The following ANXA11 variants were observed in gnomAD, a reference collection of about 807,000 sequenced individuals.
ANXA11 encodes the protein annexin A11.
ANXA11 carries 57 observed loss-of-function variants against 64.7 expected under a neutral mutation model. The ratio of observed to expected loss-of-function variants is 0.88; its 90% CI spans 0.71 to 1.10. The LOEUF (loss-of-function observed/expected upper bound fraction) is 1.10, where lower values mean the gene tolerates loss of function less well. Ranked by LOEUF, ANXA11 falls within the 50% of genes least tolerant of loss-of-function variation. ANXA11 has a pLI of 0.00. For missense variants in ANXA11, 675 were observed against 670.7 expected, an observed-to-expected ratio of 1.01 and a Z score of -0.07; for synonymous variants, 260 against 265.2, an observed-to-expected ratio of 0.98 and a Z score of 0.19.
intron 1 of ANXA11, among the ~76,000 whole-genome samples, chr10:80,203,518 T>C (rs1224188842): frequency 6.6e-6 from 1 of 152,094 alleles, no homozygotes; most frequent in Non-Finnish European, 1.5e-5. Flanking sequence ...CTGTCTCTGT[T>C]GTTCAACTAA....
At chr10:80,168,786 C>T (rs1474417402) in intron 5 of ANXA11, among the ~76,000 whole-genome samples, 183 bp downstream of exon 5, 3 of 152,178 alleles carry the variant, frequency 2.0e-5, no homozygotes, top group Admixed American at 2.0e-4. Flanking sequence ...ATCTGCCCAC[C>T]TCAGCTTCCC....
At chr10:80,182,277 T>C (rs1846384595) in intron 1 of ANXA11, among the ~76,000 whole-genome samples, 1 of 152,006 alleles carries the variant, frequency 6.6e-6, no homozygotes, top group African/African-American at 2.4e-5. Context: ...TGTAAATCTA[T>C]AACCACTCTA....
chr10:80,161,809 G>A (rs1432721362), intron 12 of ANXA11, 126 bp downstream of exon 12: 2 of 735,294 alleles, frequency 2.7e-6, no homozygotes. Context: ...CCACCAGGGG[G>A]CTCTTTTGAG....
At chr10:80,157,502 G>A (rs990908996) in intron 15 of ANXA11, 139 bp downstream of exon 15, 2 of 1,479,610 alleles carry the variant, frequency 1.4e-6, no homozygotes, top group Admixed American at 2.4e-5. Context: ...AGGGCAAGGG[G>A]ATGAACAAGT....
intron 15 of ANXA11, chr10:80,157,357 C>G (rs12769764): frequency 0.11 from 106,985 of 985,336 alleles, 6,077 homozygotes; most frequent in South Asian, 0.23. Context: ...AGGAATCACA[C>G]GGTGATCGGA....
rs145147664 is a variant in ANXA11 at position 80,185,879 on chromosome 10, A to G, written c.-57-9724T>C. Reference sequence around the variant, plus strand: ...ACTAGTATTTTAAGAACAGAGCTTTAGAAACACTGGTATGATGAAATAGCA... The same window carrying G: ...ACTAGTATTTTAAGAACAGAGCTTTGGAAACACTGGTATGATGAAATAGCA... On this transcript the variant is annotated intron_variant, in intron 1 of 15. Coordinates refer to ENST00000422982, the MANE Select transcript of ANXA11 (RefSeq NM_145868.2). Among the ~76,000 whole-genome samples the G allele has an allele frequency of 1.8e-3, 278 of 152,382 alleles. 2 individuals are homozygous for G. The highest frequency in any genetic ancestry group is 0.011 in the Admixed American group (168 of 15,310).
upstream of ANXA11, chr10:80,205,594 C>A (rs112034834): frequency 0.018 from 2,696 of 152,086 alleles, 45 homozygotes; most frequent in Non-Finnish European, 0.028. Context: ...GGGGCCTGAG[C>A]GCGGCCCCGC....
chr10:80,157,753 G>T lies in ANXA11; in HGVS notation c.1346C>A (p.Thr449Lys), dbSNP rs760374358. 1 of 1,613,506 alleles carries T rather than the reference G, an allele frequency of 6.2e-7. No homozygotes were observed. The highest frequency in any genetic ancestry group is 1.1e-5 in the South Asian group (1 of 91,018). Residue 449 changes from threonine to lysine, a missense_variant, in exon 15 of 16, where the codon ACA (threonine) becomes AAA (lysine). By Grantham distance (78) the Thr-to-Lys change is moderately conservative. Transcript: ENST00000422982. Reference protein sequence around the residue: ...RLNKAMRGAGTKDRTLIRIMV... With the variant: ...RLNKAMRGAGKKDRTLIRIMV... ...GATGCGAATCAGGGTCCGGTCCTTT[G>T]TTCCTGCCCCCTAAAGAGAGTCCAC...
chr10:80,175,809 C>A (rs1036526791), intron 2 of ANXA11, among the ~76,000 whole-genome samples: 2 of 152,152 alleles, frequency 1.3e-5, no homozygotes, highest in Non-Finnish European at 2.9e-5. Flanking sequence ...GTAATCCCAG[C>A]ACTTTGGGAG....
Position 80,166,276 on chromosome 10 carries a change from G to A in ANXA11, c.745-79C>T, listed in dbSNP as rs572238614. Reference sequence around the variant, plus strand: ...AAAATCCACAGGAAGTGACTAATAAGAGCCATATCCCAGATTTGAGGAACA... The same window carrying A: ...AAAATCCACAGGAAGTGACTAATAAAAGCCATATCCCAGATTTGAGGAACA... On this transcript the variant is annotated intron_variant, in intron 7 of 15. Transcript: ENST00000422982. 6.1e-6 allele frequency: 5 copies of A among 814,584 alleles called. 1 individual carries two copies. The South Asian group carries it at 7.8e-5, about 13-fold the overall frequency. 50.5% of individuals were successfully genotyped at this position (814,584 alleles called of 1,614,324 possible).
At chr10:80,169,400 C>A in intron 4 of ANXA11, 42 bp from the exon 5 acceptor site, 1 of 1,595,688 alleles carries the variant, frequency 6.3e-7, no homozygotes, top group East Asian at 2.2e-5. Context: ...ATGGGCCCTG[C>A]TGCACTCCGT....
chr10:80,173,096 C>A, intron 2 of ANXA11: 1 of 513,604 alleles, frequency 1.9e-6, no homozygotes, highest in Non-Finnish European at 3.5e-6. Context: ...GGGCCACACC[C>A]CCGGCCCCAC....
chr10:80,165,900 A>G (rs147707459), intron 8 of ANXA11, among the ~76,000 whole-genome samples, 184 bp downstream of exon 8: 2 of 152,234 alleles, frequency 1.3e-5, no homozygotes, highest in African/African-American at 2.4e-5. Context: ...TCCCTTTTCT[A>G]TAGCATGTGG....
chr10:80,169,477 G>A (rs1050129768), intron 4 of ANXA11, 119 bp from the exon 5 acceptor site: 1 of 1,191,258 alleles, frequency 8.4e-7, no homozygotes, highest in East Asian at 2.5e-5. Context: ...GGAATATGAA[G>A]TACCGTTATA....
At chr10:80,203,711 A>G (rs1840548650) in intron 1 of ANXA11, among the ~76,000 whole-genome samples, 1 of 152,214 alleles carries the variant, frequency 6.6e-6, no homozygotes, top group African/African-American at 2.4e-5. Context: ...AGAAGGGCTG[A>G]GTGAGCTCAG....
chr10:80,194,466 T>C (rs1156254471), intron 1 of ANXA11, among the ~76,000 whole-genome samples: 1 of 152,016 alleles, frequency 6.6e-6, no homozygotes, highest in East Asian at 1.9e-4. Flanking sequence ...ATAAACACAA[T>C]AGCGCACTTC....
At chr10:80,176,776 C>G (rs570546857) in intron 1 of ANXA11, among the ~76,000 whole-genome samples, 2 of 152,264 alleles carry the variant, frequency 1.3e-5, no homozygotes, top group African/African-American at 4.8e-5. Context: ...GAGTTCCCAG[C>G]AGGAGTCAAA....
intron 8 of ANXA11, among the ~76,000 whole-genome samples, chr10:80,165,478 C>T (rs1845683257): frequency 6.6e-6 from 1 of 152,156 alleles, no homozygotes; most frequent in Non-Finnish European, 1.5e-5. Context: ...CGTTTGGAGA[C>T]CCTGCTGGTC....
chr10:80,166,018 ATGCGCG>A (rs1413911965), intron 8 of ANXA11, 60 bp downstream of exon 8: 26 of 1,017,644 alleles, frequency 2.6e-5, no homozygotes, highest in Non-Finnish European at 3.3e-5. Context: ...GTCCACACGC[ATGCGCG>A]CGTGCGCACA....
Sources: allele counts gnomAD v4.1 joint callset (sites outside exome capture counted in the v4.1 genomes callset), GRCh38; gene constraint gnomAD v4.1.1; transcripts MANE v1.5; gene names NCBI Gene and HGNC (gene_info 2026-07-23, HGNC 2026-07-21).